Variants in PRKD3 observed in about 807,000 individuals in gnomAD.
The protein encoded by PRKD3 is serine/threonine-protein kinase D3.
A neutral mutation model predicts 99.2 loss-of-function variants in PRKD3; 47 were observed. The ratio of observed to expected loss-of-function variants is 0.47; its 90% confidence interval spans 0.38 to 0.60. PRKD3 has a LOEUF of 0.60. Among genes scored for constraint, PRKD3 ranks in the 20% least tolerant of loss-of-function variants. The pLI, the probability that PRKD3 is intolerant of heterozygous loss-of-function variation, is 0.00. For synonymous variants in PRKD3, 392 were observed against 355.4 expected, an observed-to-expected ratio of 1.10 and a Z score of -1.16; for missense variants, 1,019 against 1,088.4, an observed-to-expected ratio of 0.94 and a Z score of 0.90.
At chr2:37,258,539 A>G (rs911450565) in intron 16 of PRKD3, among the ~76,000 whole-genome samples, 4 of 152,208 alleles carry the variant, frequency 2.6e-5, no homozygotes, top group Non-Finnish European at 4.4e-5. Context: ...GATCACTAAA[A>G]TAGAGGTCAG....
chr2:37,322,046 TA>T (rs67313891), intron 1 of PRKD3, among the ~76,000 whole-genome samples: 10,233 of 152,236 alleles, frequency 0.067, 383 homozygotes, highest in Middle Eastern at 0.085. Context: ...AGGTTCAACT[TA>T]AGTTTTGTGT....
chr2:37,297,683 G>C lies in PRKD3; in HGVS notation c.289-4412C>G, dbSNP rs569599683. ...TGGCTGTTTTGAGAAGTTCTGGTCA[G>C]GTATATTGCAGGAGGCCTTTCTACT... On this transcript the variant is annotated intron_variant, in intron 2 of 18. Transcript: ENST00000234179. Among the ~76,000 whole-genome samples the C allele has an allele frequency of 9.9e-5, 15 of 152,194 alleles. No homozygotes were observed. In the South Asian group the frequency reaches 3.1e-3, roughly 32 times the overall value.
At chr2:37,285,083 T>G (rs1670029313) in intron 6 of PRKD3, among the ~76,000 whole-genome samples, 1 of 152,130 alleles carries the variant, frequency 6.6e-6, no homozygotes, top group African/African-American at 2.4e-5. Context: ...CCACAAATAC[T>G]TCTACTATAT....
intron 6 of PRKD3, among the ~76,000 whole-genome samples, chr2:37,285,664 A>G (rs1035147071): frequency 6.6e-6 from 1 of 152,196 alleles, no homozygotes. Flanking sequence ...CTCAAGTATC[A>G]GCTTTGCTGC....
chr2:37,267,362 AGAG>A (rs1668916633), intron 14 of PRKD3, 65 bp downstream of exon 14: 6 of 1,063,766 alleles, frequency 5.6e-6, no homozygotes, highest in South Asian at 3.1e-5. Flanking sequence ...AAAAAAAAAA[AGAG>A]AAGCAGTTAA....
intron 5 of PRKD3, among the ~76,000 whole-genome samples, chr2:37,287,540 C>G (rs1285530458): frequency 6.6e-6 from 1 of 152,114 alleles, no homozygotes; most frequent in Non-Finnish European, 1.5e-5. Flanking sequence ...TGAAAGATCT[C>G]AGGACATCAG....
At chr2:37,287,796 T>C (rs1670194257) in intron 5 of PRKD3, among the ~76,000 whole-genome samples, 1 of 152,204 alleles carries the variant, frequency 6.6e-6, no homozygotes, top group Admixed American at 6.5e-5. Context: ...AGGGTCATAG[T>C]TACCAAAATC....
At chr2:37,294,106 CTTTT>C (rs1190462690) in intron 2 of PRKD3, among the ~76,000 whole-genome samples, 5 of 151,962 alleles carry the variant, frequency 3.3e-5, no homozygotes, top group African/African-American at 1.2e-4. Flanking sequence ...TTCTCAAAAC[CTTTT>C]TTTGAGATAG....
intron 9 of PRKD3, among the ~76,000 whole-genome samples, chr2:37,276,504 T>C (rs1016701695): frequency 6.6e-6 from 1 of 152,126 alleles, no homozygotes; most frequent in African/African-American, 2.4e-5. Flanking sequence ...CATTTTCCTA[T>C]TGCGTTATGT....
chr2:37,277,729 A>G, intron 9 of PRKD3, 137 bp downstream of exon 9: 1 of 860,458 alleles, frequency 1.2e-6, no homozygotes, highest in Non-Finnish European at 1.7e-6. Context: ...CTATAATTCC[A>G]GTGCATCTTT....
At position 37,274,464 on chromosome 2, in the gene PRKD3, A is replaced by G. The variant is rs1409918989; in HGVS notation, c.1608T>C (p.Pro536=). The G allele has an allele frequency of 2.5e-6, 4 of 1,614,038 alleles. No individual in the cohort carries two copies. The Admixed American group carries it at 6.7e-5, about 27-fold the overall frequency. Residue 536 remains proline, a synonymous_variant, in exon 11 of 19, where the codon CCT becomes CCC. Transcript: ENST00000234179. Reference sequence around the variant, plus strand: ...CTGGAGAAGTGCAAACACTTGCTTGAGGAGTAACAGGCATGAGGGCTTGGC... The same window carrying G: ...CTGGAGAAGTGCAAACACTTGCTTGGGGAGTAACAGGCATGAGGGCTTGGC... ...AIRQALMPVT[P]QASVCTSPGQ...
intron 12 of PRKD3, among the ~76,000 whole-genome samples, chr2:37,271,933 T>A (rs966270938): frequency 6.6e-6 from 1 of 152,194 alleles, no homozygotes; most frequent in African/African-American, 2.4e-5. Context: ...TTATTCATAA[T>A]TCCTTAAGAG....
intron 16 of PRKD3, among the ~76,000 whole-genome samples, chr2:37,257,849 G>A (rs985549452): frequency 5.9e-5 from 9 of 152,070 alleles, no homozygotes; most frequent in Non-Finnish European, 8.8e-5. Flanking sequence ...GCCCCAGTGA[G>A]TAACAGCAAC....
chr2:37,324,562 G>A, intron 1 of PRKD3, 119 bp downstream of exon 1: 1 of 139,856 alleles, frequency 7.2e-6, no homozygotes, highest in Non-Finnish European at 1.6e-5. Flanking sequence ...TTGGGGGTTT[G>A]GGGGATGGGG....
Position 37,253,306 on chromosome 2 carries a change from A to G in PRKD3, c.2544T>C (p.Ile848=). ...WLDLREFETR[I]GERYITHESD... ...TTTCATGTGTAATGTAACGTTCTCC[A>G]ATGCGAGTTTCAAATTCTCTAAGGT... is the stretch of plus-strand genomic sequence containing the variant. Residue 848 remains isoleucine (I), a synonymous_variant, in exon 19 of 19, where the codon ATT becomes ATC. Transcript: ENST00000234179. The G allele has an allele frequency of 6.2e-7, 1 of 1,613,158 alleles. No homozygotes were observed.
At chr2:37,295,658 G>A (rs1239964237) in intron 2 of PRKD3, among the ~76,000 whole-genome samples, 1 of 152,128 alleles carries the variant, frequency 6.6e-6, no homozygotes, top group East Asian at 1.9e-4. Flanking sequence ...AGGACAATAG[G>A]AGTTATAGGC....
At chr2:37,288,673 G>C (rs370799786) in intron 5 of PRKD3, among the ~76,000 whole-genome samples, 1 of 152,112 alleles carries the variant, frequency 6.6e-6, no homozygotes, top group South Asian at 2.1e-4. Flanking sequence ...TTAATAATGA[G>C]ATCTGGGTTT....
At chr2:37,300,691 T>G (rs1022412616) in intron 2 of PRKD3, among the ~76,000 whole-genome samples, 4 of 152,194 alleles carry the variant, frequency 2.6e-5, no homozygotes, top group Non-Finnish European at 4.4e-5. Context: ...TAAAAGAGAT[T>G]AGAACTCGTC....
At chr2:37,323,154 A>G (rs1329456740) in intron 1 of PRKD3, among the ~76,000 whole-genome samples, 1 of 151,384 alleles carries the variant, frequency 6.6e-6, no homozygotes. Flanking sequence ...AGAAATTTCT[A>G]TTTTAAAGTG....
Sources: gnomAD v4.1 joint callset for allele counts (sites outside exome capture counted in the v4.1 genomes callset) on GRCh38, gnomAD v4.1.1 for gene constraint, MANE v1.5 for transcripts, NCBI Gene and HGNC (gene_info 2026-07-23, HGNC 2026-07-21) for gene names.